Variants in RABGEF1 observed in about 807,000 individuals in gnomAD.
RABGEF1 encodes the protein RAB guanine nucleotide exchange factor 1, also known as rab5 GDP/GTP exchange factor.
In RABGEF1, 26 loss-of-function variants were observed where a neutral mutation model predicts 57.3. The observed-to-expected ratio is 0.45, with a 90% CI of 0.33 to 0.63. The LOEUF is 0.63. RABGEF1 is among the 20% of genes least tolerant of loss of function. RABGEF1 has a pLI of 0.02. For synonymous variants in RABGEF1, 185 were observed against 210.7 expected (o/e 0.88, Z 1.06); for missense variants, 464 against 607.6 (o/e 0.76, Z 2.48).
At chr7:66,699,868 ATAAAAT>A (rs1233398328) in intron 1 of RABGEF1, among the ~76,000 whole-genome samples, 1 of 152,182 alleles carries the variant, frequency 6.6e-6, no homozygotes, top group Non-Finnish European at 1.5e-5. Context: ...TAAAATAAAA[ATAAAAT>A]GGGAATGATA....
At chr7:66,755,993 A>G in intron 1 of RABGEF1, 1 of 1,306,264 alleles carries the variant, frequency 7.7e-7, no homozygotes, top group Non-Finnish European at 1.0e-6. Context: ...ATATTTAATC[A>G]TATGAAAGTT....
intron 1 of RABGEF1, among the ~76,000 whole-genome samples, chr7:66,762,402 T>C (rs1804645860): frequency 1.3e-5 from 2 of 151,760 alleles, no homozygotes; most frequent in Admixed American, 1.3e-4. Flanking sequence ...ATCAGCCTGG[T>C]CAATATGGCG....
chr7:66,780,264 C>T (rs1263779160), intron 3 of RABGEF1, among the ~76,000 whole-genome samples: 1 of 152,172 alleles, frequency 6.6e-6, no homozygotes, highest in African/African-American at 2.4e-5. Flanking sequence ...TAATAGTCAA[C>T]AGCTCAGGCT....
chr7:66,717,892 C>T (rs1216440729), intron 2 of RABGEF1, among the ~76,000 whole-genome samples: 2 of 152,100 alleles, frequency 1.3e-5, no homozygotes, highest in African/African-American at 4.8e-5. Flanking sequence ...CTAGCTCTTT[C>T]TTCGGTCATG....
chr7:66,730,589 C>T (rs540247860), intron 2 of RABGEF1, among the ~76,000 whole-genome samples: 1 of 145,494 alleles, frequency 6.9e-6, no homozygotes, highest in African/African-American at 2.5e-5. Context: ...GGCAGGGTCT[C>T]ACTGTGTCAC....
intron 1 of RABGEF1, among the ~76,000 whole-genome samples, chr7:66,761,546 G>A (rs1804355545): frequency 6.6e-6 from 1 of 152,190 alleles, no homozygotes; most frequent in African/African-American, 2.4e-5. Context: ...AACCTGCACT[G>A]TGTTCAGCTG....
At chr7:66,685,591 T>C (rs543431785) in intron 1 of RABGEF1, among the ~76,000 whole-genome samples, 1 of 152,382 alleles carries the variant, frequency 6.6e-6, no homozygotes, top group African/African-American at 2.4e-5. Context: ...ACAGGAATTC[T>C]GCACTCATTT....
chr7:66,685,062 G>C (rs1790390663), intron 1 of RABGEF1, among the ~76,000 whole-genome samples: 2 of 151,690 alleles, frequency 1.3e-5, no homozygotes, highest in Admixed American at 1.3e-4. Context: ...ACTGCACCCG[G>C]CCTTAAAATG....
chr7:66,771,996 G>C lies in RABGEF1; in HGVS notation c.97G>C (p.Gly33Arg). The C allele has an allele frequency of 6.3e-7, 1 of 1,599,530 alleles. No homozygotes were observed. Among genetic ancestry groups the C allele is most frequent in the Non-Finnish European group, 8.5e-7 (1 of 1,173,502 alleles). Residue 33 changes from glycine (G) to arginine (R), a missense_variant, in exon 2 of 9, where the codon GGT (glycine) becomes CGT (arginine). Physicochemically the swap from Gly to Arg is moderately radical, Grantham distance 125. Around this residue, in one of 4 missense-constraint regions of RABGEF1, gnomAD observed 12 missense variants for 46.0 expected, o/e 0.26. Transcript: ENST00000284957. ...CGYYGNPAWQ[G>R]FCSKCWREEY... Reference sequence around the variant, plus strand: ...TTACTACGGCAACCCTGCCTGGCAGGGTTTCTGCTCCAAGTGCTGGAGGGA... The same window carrying C: ...TTACTACGGCAACCCTGCCTGGCAGCGTTTCTGCTCCAAGTGCTGGAGGGA...
chr7:66,758,597 G>A (rs73139927), intron 1 of RABGEF1, among the ~76,000 whole-genome samples: 33,471 of 152,122 alleles, frequency 0.22, 4,043 homozygotes, highest in East Asian at 0.31. Context: ...GAGAGAAGGA[G>A]TTGAGTCTCA....
intron 1 of RABGEF1, among the ~76,000 whole-genome samples, chr7:66,700,157 C>T (rs1793010991): frequency 6.6e-6 from 1 of 152,222 alleles, no homozygotes; most frequent in African/African-American, 2.4e-5. Flanking sequence ...CCAGACCCTG[C>T]ACATTCCAGC....
chr7:66,679,566 G>A (rs1789546621), upstream of RABGEF1, among the ~76,000 whole-genome samples: 2 of 152,164 alleles, frequency 1.3e-5, no homozygotes, highest in Non-Finnish European at 2.9e-5. Context: ...TGATCAGCCC[G>A]CCTCGGCCTC....
intron 4 of RABGEF1, among the ~76,000 whole-genome samples, chr7:66,787,846 CA>C (rs1173122786): frequency 6.6e-6 from 1 of 152,136 alleles, no homozygotes; most frequent in Non-Finnish European, 1.5e-5. Context: ...ACTAGAAAAC[CA>C]TATTACCTAA....
intron 1 of RABGEF1, among the ~76,000 whole-genome samples, chr7:66,698,530 G>A (rs1369679976): frequency 6.6e-6 from 1 of 152,232 alleles, no homozygotes; most frequent in African/African-American, 2.4e-5. Flanking sequence ...TCTGGACGAT[G>A]GGTGAGGGGA....
intron 2 of RABGEF1, among the ~76,000 whole-genome samples, chr7:66,735,260 G>A (rs1004327761): frequency 6.6e-6 from 1 of 152,004 alleles, no homozygotes; most frequent in Non-Finnish European, 1.5e-5. Flanking sequence ...ATACATAATC[G>A]CTCCTTTGTA....
At chr7:66,783,902 T>A in intron 4 of RABGEF1, 61 bp downstream of exon 4, 1 of 1,447,680 alleles carries the variant, frequency 6.9e-7, no homozygotes, top group Non-Finnish European at 9.3e-7. Context: ...GTCTTAGAGA[T>A]AATATAGTGC....
At chr7:66,662,785 G>A in the RABGEF1 span, among the ~76,000 whole-genome samples, 7 of 152,170 alleles carry the variant, frequency 4.6e-5, no homozygotes, top group South Asian at 6.2e-4. Flanking sequence ...GTGTGTGCAC[G>A]CATGTGTGTG....
At chr7:66,710,693 G>A (rs528487296) in intron 1 of RABGEF1, among the ~76,000 whole-genome samples, 10 of 152,180 alleles carry the variant, frequency 6.6e-5, no homozygotes, top group African/African-American at 2.4e-4. Context: ...AGAAATGTCT[G>A]TTTAATTTTC....
intron 1 of RABGEF1, among the ~76,000 whole-genome samples, chr7:66,743,409 C>G (rs563214773): frequency 5.7e-4 from 86 of 152,134 alleles, no homozygotes; most frequent in Non-Finnish European, 9.9e-4. Flanking sequence ...ACTGTAGCCT[C>G]CACCACCCAT....
Sources: gnomAD v4.1 joint callset for allele counts (sites outside exome capture counted in the v4.1 genomes callset) on GRCh38, gnomAD v4.1.1 for gene constraint, gnomAD v4.1.1 regional missense constraint, MANE v1.5 for transcripts, NCBI Gene and HGNC (gene_info 2026-07-23, HGNC 2026-07-21) for gene names.